Variants in VAV2 observed in about 807,000 individuals in gnomAD.
VAV2 encodes the protein guanine nucleotide exchange factor VAV2.
Under a neutral mutation model 132.5 loss-of-function variants are expected in VAV2, and 67 were observed. The ratio of observed to expected loss-of-function variants is 0.51; its 90% confidence interval spans 0.42 to 0.62. VAV2 has a LOEUF of 0.62. VAV2 is among the 20% of genes least tolerant of loss of function. The pLI, the probability that VAV2 is intolerant of heterozygous loss-of-function variation, is 0.00. For synonymous variants in VAV2, 492 were observed against 443.5 expected, an observed-to-expected ratio of 1.11 and a Z score of -1.37; for missense variants, 938 against 1,153.6, an observed-to-expected ratio of 0.81 and a Z score of 2.71.
chr9:133,786,803 G>C (rs1834244604), intron 16 of VAV2, among the ~76,000 whole-genome samples: 1 of 152,336 alleles, frequency 6.6e-6, no homozygotes, highest in Admixed American at 6.5e-5. Context: ...TGGCAAATAG[G>C]AGCCTACTGG....
At position 133,823,527 on chromosome 9, in the gene VAV2, C is replaced by T. The variant is rs1410041974; in HGVS notation, c.449+10745G>A. 1.3e-5 allele frequency among the ~76,000 whole-genome samples: 2 copies of T among 152,164 alleles called. No homozygotes were observed. The highest frequency in any genetic ancestry group is 2.1e-4 in the South Asian group (1 of 4,830). On this transcript the variant is annotated intron_variant, in intron 4 of 29. Transcript: ENST00000371850. The surrounding 1 kb of genome is among the most constrained non-coding windows in gnomAD (Gnocchi z 5.5). Reference sequence around the variant, plus strand: ...CCACTGTGTGTCAGTCAGATCTACGCTGAATACAAGGGAAATAACGTCAAA... The same window carrying T: ...CCACTGTGTGTCAGTCAGATCTACGTTGAATACAAGGGAAATAACGTCAAA...
chr9:133,827,241 A>ACCACGGGCATCGCCAACTACTGCTGTGC (rs1564384068), intron 4 of VAV2, among the ~76,000 whole-genome samples: 11 of 50,668 alleles, frequency 2.2e-4, no homozygotes, highest in Non-Finnish European at 3.9e-4. Context: ...ACTGGGGCTG[A>ACCACGGGCATCGCCAACTACTGCTGTGC]CCACTGAGCG....
chr9:133,774,145 T>C (rs925413911), intron 25 of VAV2, among the ~76,000 whole-genome samples: 2 of 152,232 alleles, frequency 1.3e-5, no homozygotes, highest in African/African-American at 4.8e-5. Flanking sequence ...GTTTAACATC[T>C]GGAAATCAGC....
In VAV2 at chr9:133,985,239, T is replaced by A. The variant is rs977378949; in HGVS notation, c.204+6836A>T. Among the ~76,000 whole-genome samples the A allele has an allele frequency of 3.1e-3, 429 of 137,762 alleles. 2 individuals carry two copies. Among genetic ancestry groups the A allele is most frequent in the African/African-American group, 0.013 (403 of 31,758 alleles). The allele number at this position is 137,762 out of a possible 152,430, so 90.4% of individuals were successfully genotyped here. A position where few individuals can be genotyped will look rare whatever the true frequency, so the allele number is the denominator to read the frequency against. ...TATCTTGCCTTATTGTGTGTGTGTG[T>A]GTGTGTGTGTGTGTGTGTGTGTGTG... On this transcript the variant is annotated intron_variant, in intron 1 of 29. Coordinates refer to ENST00000371850, the MANE Select transcript of VAV2 (RefSeq NM_001134398.2).
At chr9:133,939,692 T>A (rs1451023843) in intron 1 of VAV2, among the ~76,000 whole-genome samples, 1 of 152,218 alleles carries the variant, frequency 6.6e-6, no homozygotes, top group Admixed American at 6.5e-5. Flanking sequence ...CAAGAATGGA[T>A]GGCGCATGCT....
At position 133,991,404 on chromosome 9, in the gene VAV2, G is replaced by T. The variant is rs1843012050; in HGVS notation, c.204+671C>A. Among the ~76,000 whole-genome samples, 1 of 152,244 alleles carries T rather than the reference G, an allele frequency of 6.6e-6. No homozygotes were observed. Among genetic ancestry groups the T allele is most frequent in the Admixed American group, 6.5e-5 (1 of 15,288 alleles). On this transcript the variant is annotated intron_variant, in intron 1 of 29. Transcript: ENST00000371850. This position sits in a 1 kb window ranked among gnomAD's most constrained non-coding sequence, Gnocchi z 4.8. ...GGCCACACTCAGCGCCCGAAGGAGG[G>T]GTGGGGGTGTTGGGAAAGCGATGGG...
At chr9:133,783,886 T>G (rs926040954) in intron 18 of VAV2, among the ~76,000 whole-genome samples, 4 of 148,394 alleles carry the variant, frequency 2.7e-5, no homozygotes, top group Non-Finnish European at 6.0e-5. Flanking sequence ...CGTTTTTTTT[T>G]TTTTTTTTTT....
At chr9:133,984,645 T>TC (rs368033491) in intron 1 of VAV2, among the ~76,000 whole-genome samples, 91 of 146,980 alleles carry the variant, frequency 6.2e-4, no homozygotes, top group African/African-American at 2.2e-3. Flanking sequence ...TATTTCTTCA[T>TC]CCCCAAAGAT....
In VAV2 at chr9:133,802,935, G is replaced by A. The variant is rs72762839; in HGVS notation, c.836+3146C>T. On this transcript the variant is annotated intron_variant, in intron 9 of 29. Transcript: ENST00000371850. This position sits in a 1 kb window ranked among gnomAD's most constrained non-coding sequence, Gnocchi z 5.8. ...CTGGGAAATGGGGGTTAGACAGAGC[G>A]GGAGCTGAGGCTTCTTGACTTCAGA... Among the ~76,000 whole-genome samples the A allele has an allele frequency of 2.7e-4, 41 of 152,334 alleles. No individual in the cohort carries two copies. Among genetic ancestry groups the A allele is most frequent in the Admixed American group, 1.5e-3 (23 of 15,308 alleles).
intron 1 of VAV2, among the ~76,000 whole-genome samples, chr9:133,943,384 G>T (rs1367952900): frequency 2.0e-5 from 3 of 152,236 alleles, no homozygotes; most frequent in African/African-American, 7.2e-5. Context: ...ATGGTGGTCA[G>T]CGCCAGGTGA....
At chr9:133,929,954 T>TA (rs528449130) in intron 2 of VAV2, among the ~76,000 whole-genome samples, 10 of 152,288 alleles carry the variant, frequency 6.6e-5, no homozygotes, top group East Asian at 3.9e-4. Context: ...AAATGCCACA[T>TA]AAAAAACAGA....
intron 1 of VAV2, among the ~76,000 whole-genome samples, chr9:133,989,903 C>T (rs1018207073): frequency 7.9e-5 from 12 of 152,392 alleles, no homozygotes; most frequent in African/African-American, 2.6e-4. Flanking sequence ...CCACCCTCCA[C>T]GGGACAGAGG....
intron 1 of VAV2, among the ~76,000 whole-genome samples, chr9:133,945,591 C>T (rs1841330873): frequency 1.3e-5 from 2 of 152,236 alleles, no homozygotes; most frequent in Non-Finnish European, 2.9e-5. Flanking sequence ...GGGAAAGTCC[C>T]TTTGGCTGCC....
chr9:133,767,653 T>TGAAGG (rs1833481268), intron 29 of VAV2, among the ~76,000 whole-genome samples: 1 of 152,092 alleles, frequency 6.6e-6, no homozygotes, highest in African/African-American at 2.4e-5. Flanking sequence ...CTTGAGGGCC[T>TGAAGG]CCAAGGGGCA....
chr9:133,863,309 C>T lies in VAV2; in HGVS notation c.322-1877G>A, dbSNP rs1176783485. On this transcript the variant is annotated intron_variant, in intron 2 of 29. Coordinates refer to ENST00000371850, the MANE Select transcript of VAV2 (RefSeq NM_001134398.2). The surrounding 1 kb of genome is among the most constrained non-coding windows in gnomAD (Gnocchi z 5.0). ...ATCCCTCCGAGGAGCCGGGCGCAGG[C>T]CCAGAGCCCTCCTCCGTGGAGTCTA... 1.3e-5 allele frequency among the ~76,000 whole-genome samples: 2 copies of T among 152,332 alleles called. No homozygotes were observed. Among genetic ancestry groups the T allele is most frequent in the East Asian group, 3.9e-4 (2 of 5,180 alleles).
intron 1 of VAV2, among the ~76,000 whole-genome samples, chr9:133,959,138 A>C (rs957219980): frequency 2.6e-5 from 4 of 152,230 alleles, no homozygotes; most frequent in South Asian, 4.1e-4. Flanking sequence ...ACAGCTACTG[A>C]AAATGGCAAA....
chr9:133,945,720 C>G (rs1841335636), intron 1 of VAV2, among the ~76,000 whole-genome samples: 1 of 152,204 alleles, frequency 6.6e-6, no homozygotes, highest in African/African-American at 2.4e-5. Flanking sequence ...CCCAACCTTC[C>G]CCATCCATGT....
intron 2 of VAV2, among the ~76,000 whole-genome samples, chr9:133,873,102 G>A (rs1482919536): frequency 3.6e-5 from 5 of 138,514 alleles, no homozygotes; most frequent in African/African-American, 1.3e-4. Flanking sequence ...GACAGAGGGA[G>A]GGGGCGGGGG....
At position 133,939,759 on chromosome 9, in the gene VAV2, A is replaced by G. The variant is rs577033795; in HGVS notation, c.205-540T>C. ...ACACGAGGCTTCTGACAACACCAAC[A>G]CATCCTTCCTAATCACGGGTGACAA... On this transcript the variant is annotated intron_variant, in intron 1 of 29. Coordinates refer to ENST00000371850, the MANE Select transcript of VAV2 (RefSeq NM_001134398.2). Among the ~76,000 whole-genome samples, 4 of 152,360 alleles carry G rather than the reference A, an allele frequency of 2.6e-5. No individual in the cohort carries two copies. In the East Asian group the frequency reaches 7.7e-4, roughly 29 times the overall value.
Sources: allele counts gnomAD v4.1 joint callset (sites outside exome capture counted in the v4.1 genomes callset), GRCh38; gene constraint gnomAD v4.1.1; non-coding constraint Gnocchi (gnomAD v3.1); transcripts MANE v1.5; gene names NCBI Gene and HGNC (gene_info 2026-07-23, HGNC 2026-07-21).